CDH9: variants seen among roughly 807,000 people sequenced by gnomAD.
CDH9 encodes the protein cadherin-9.
A neutral mutation model predicts 70.9 loss-of-function variants in CDH9; 28 were observed. The observed-to-expected ratio is 0.40, with a 90% CI of 0.29 to 0.54. CDH9 has a LOEUF of 0.54. Ranked by LOEUF, CDH9 falls within the 20% of genes least tolerant of loss-of-function variation. The probability of loss-of-function intolerance (pLI) is 0.59; values close to 1 mark genes in which losing one functional copy is unlikely to be tolerated. For missense variants in CDH9, 874 were observed against 984.4 expected (o/e 0.89, Z 1.50); for synonymous variants, 409 against 343.1 (o/e 1.19, Z -2.12).
intron 2 of CDH9, among the ~76,000 whole-genome samples, chr5:26,986,358 A>T (rs1404535497): frequency 6.6e-6 from 1 of 152,104 alleles, no homozygotes; most frequent in Non-Finnish European, 1.5e-5. Context: ...TATGAAAGGT[A>T]ATTAAAGCTA....
At chr5:26,952,921 A>AAAAAAAAAAGC (rs1554000078) in intron 2 of CDH9, among the ~76,000 whole-genome samples, 1 of 129,302 alleles carries the variant, frequency 7.7e-6, no homozygotes, top group African/African-American at 2.9e-5. Flanking sequence ...AAAAAAAAAA[A>AAAAAAAAAAGC]AGTTTAAAGA....
At chr5:27,029,123 C>T (rs938421994) in intron 1 of CDH9, among the ~76,000 whole-genome samples, 3 of 151,276 alleles carry the variant, frequency 2.0e-5, no homozygotes, top group Non-Finnish European at 4.4e-5. Flanking sequence ...ATCATGGAAA[C>T]TTTTTTTTTC....
chr5:26,906,856 C>G lies in CDH9; in HGVS notation c.524-18G>C. On this transcript the variant is annotated intron_variant, in intron 3 of 11. Coordinates refer to ENST00000231021, the MANE Select transcript of CDH9 (RefSeq NM_016279.4). ...AGATGTACCTACATGAAACCCCCAT[C>G]CCCAAACAGAGACATTTACATACTT... 6.3e-7 allele frequency: 1 copy of G among 1,583,554 alleles called. No homozygotes were observed. Among genetic ancestry groups the G allele is most frequent in the Middle Eastern group, 1.7e-4 (1 of 5,928 alleles).
intron 2 of CDH9, among the ~76,000 whole-genome samples, chr5:26,963,829 G>A (rs1388238982): frequency 1.3e-5 from 2 of 151,964 alleles, no homozygotes; most frequent in Non-Finnish European, 2.9e-5. Context: ...AAATAAGGGG[G>A]AAAATGTATC....
intron 9 of CDH9, among the ~76,000 whole-genome samples, chr5:26,888,354 A>G (rs1452963299): frequency 6.6e-6 from 1 of 152,150 alleles, no homozygotes; most frequent in African/African-American, 2.4e-5. Context: ...AACAAGCAAA[A>G]TGTACTACAG....
intron 2 of CDH9, among the ~76,000 whole-genome samples, chr5:26,950,052 T>G (rs1004762878): frequency 3.3e-5 from 5 of 152,130 alleles, no homozygotes; most frequent in African/African-American, 1.2e-4. Context: ...AATTGGGGCT[T>G]TAATCATTTT....
intron 1 of CDH9, among the ~76,000 whole-genome samples, chr5:27,026,789 A>T (rs1743227929): frequency 6.6e-6 from 1 of 152,042 alleles, no homozygotes; most frequent in African/African-American, 2.4e-5. Context: ...CCAGTAAATC[A>T]TTAACATTCA....
At chr5:26,916,060 G>C in intron 2 of CDH9, 136 bp from the exon 3 acceptor site, 1 of 577,124 alleles carries the variant, frequency 1.7e-6, no homozygotes, top group Non-Finnish European at 3.0e-6. Context: ...GACTTTTGCT[G>C]TGAGAGGGAG....
At chr5:26,998,570 G>A (rs1446476343) in intron 1 of CDH9, among the ~76,000 whole-genome samples, 1 of 151,996 alleles carries the variant, frequency 6.6e-6, no homozygotes, top group Admixed American at 6.6e-5. Context: ...TCACACACCG[G>A]GGTCTGTTGT....
intron 3 of CDH9, among the ~76,000 whole-genome samples, chr5:26,911,345 ACGGCC>A: frequency 1.3e-5 from 2 of 152,164 alleles, no homozygotes; most frequent in African/African-American, 4.8e-5. Context: ...ACTTTACCAA[ACGGCC>A]TATCTCTCTG....
chr5:27,014,145 C>T (rs558857261), intron 1 of CDH9, among the ~76,000 whole-genome samples: 2 of 152,044 alleles, frequency 1.3e-5, no homozygotes, highest in South Asian at 4.1e-4. Flanking sequence ...GCTTCATTAT[C>T]AATCACATCA....
intron 2 of CDH9, among the ~76,000 whole-genome samples, chr5:26,952,175 G>C (rs943589957): frequency 6.7e-6 from 1 of 149,810 alleles, no homozygotes; most frequent in African/African-American, 2.4e-5. Flanking sequence ...TGCTGGCCAG[G>C]CTGGTTTCGA....
intron 1 of CDH9, among the ~76,000 whole-genome samples, chr5:27,009,783 T>C (rs1412965694): frequency 6.6e-6 from 1 of 152,128 alleles, no homozygotes; most frequent in Non-Finnish European, 1.5e-5. Context: ...GCCTTATCTA[T>C]TTGACTCCAG....
chr5:26,903,709 T>C lies in CDH9; in HGVS notation c.927A>G (p.Glu309=). Residue 309 remains glutamate, a synonymous_variant, in exon 6 of 12, where the codon GAA becomes GAG. Transcript: ENST00000231021. ...CATCGAACATGTCTGCACCATCTCC[T>C]TCAGCAATGCTATACTCCATTTCTG... ...ENAEMEYSIA[E]GDGADMFDVI... is the part of the protein sequence containing the mutation. The C allele has an allele frequency of 6.2e-7, 1 of 1,608,716 alleles. No homozygotes were observed.
chr5:26,967,243 T>C (rs1287359474), intron 2 of CDH9, among the ~76,000 whole-genome samples: 2 of 152,138 alleles, frequency 1.3e-5, no homozygotes, highest in Non-Finnish European at 2.9e-5. Context: ...CATAAGCCAC[T>C]GCACCTGGCT....
chr5:26,931,886 G>A (rs993036855), intron 2 of CDH9, among the ~76,000 whole-genome samples: 5 of 151,938 alleles, frequency 3.3e-5, no homozygotes, highest in Non-Finnish European at 5.9e-5. Flanking sequence ...AAAAGAATAT[G>A]GCACAGAAGA....
At position 26,889,972 on chromosome 5, in the gene CDH9, C is replaced by A. The variant is rs1040377325; in HGVS notation, c.1391-15G>T. ...TTTTGGGTTATCTGCAACGAGAACACGTGTAAGATTTCAGTCTCATTTACA... is the reference window on the plus strand; with the variant it reads ...TTTTGGGTTATCTGCAACGAGAACAAGTGTAAGATTTCAGTCTCATTTACA... On this transcript the variant is annotated splice_polypyrimidine_tract_variant and intron_variant, in intron 8 of 11. Coordinates refer to ENST00000231021, the MANE Select transcript of CDH9 (RefSeq NM_016279.4). The A allele has an allele frequency of 1.2e-6, 2 of 1,607,712 alleles. No homozygotes were observed. Among genetic ancestry groups the A allele is most frequent in the African/African-American group, 2.7e-5 (2 of 74,502 alleles).
chr5:26,930,521 T>C lies in CDH9; in HGVS notation c.229-14597A>G, dbSNP rs115296423. Among the ~76,000 whole-genome samples, 665 of 152,212 alleles carry C rather than the reference T, an allele frequency of 4.4e-3. 3 individuals carry two copies. Among genetic ancestry groups the C allele is most frequent in the African/African-American group, 0.014 (597 of 41,558 alleles). ...CACGTTTGGTTGAAAAAAATCTGCA[T>C]ATAAGTGGACCTGCACAATTCAAAC... On this transcript the variant is annotated intron_variant, in intron 2 of 11. Transcript: ENST00000231021.
chr5:27,015,451 G>A (rs1053996526), intron 1 of CDH9, among the ~76,000 whole-genome samples: 1 of 151,532 alleles, frequency 6.6e-6, no homozygotes, highest in Non-Finnish European at 1.5e-5. Flanking sequence ...CAAAATACGG[G>A]CAGTTTACTT....
Sources: allele counts gnomAD v4.1 joint callset (sites outside exome capture counted in the v4.1 genomes callset), GRCh38; gene constraint gnomAD v4.1.1; transcripts MANE v1.5; gene names NCBI Gene and HGNC (gene_info 2026-07-23, HGNC 2026-07-21).